The following ELP2 variants were observed in gnomAD, a reference collection of about 807,000 sequenced individuals.
ELP2 encodes the protein elongator acetyltransferase complex subunit 2, also known as elongator complex protein 2.
Under a neutral mutation model 119.2 loss-of-function variants are expected in ELP2, and 90 were observed. That is an observed-to-expected ratio of 0.75 (90% CI 0.64 to 0.90). The LOEUF (loss-of-function observed/expected upper bound fraction) is 0.90. Among genes scored for constraint, ELP2 ranks in the 40% least tolerant of loss-of-function variants. ELP2 has a pLI of 0.00. For synonymous variants in ELP2, 339 were observed against 331.0 expected (o/e 1.02, Z -0.26); for missense variants, 921 against 967.8 (o/e 0.95, Z 0.64).
chr18:36,164,062 T>G (rs1411008418), intron 17 of ELP2, among the ~76,000 whole-genome samples: 1 of 152,188 alleles, frequency 6.6e-6, no homozygotes, highest in Non-Finnish European at 1.5e-5. Context: ...TTCATTCAGG[T>G]CTTTAATTTC....
chr18:36,171,381 A>G (rs748428968), intron 21 of ELP2, among the ~76,000 whole-genome samples: 30 of 152,258 alleles, frequency 2.0e-4, no homozygotes, highest in African/African-American at 7.0e-4. Flanking sequence ...GCTTGCATGC[A>G]TAATATTATT....
chr18:36,167,251 C>T, intron 19 of ELP2, 29 bp downstream of exon 19: 1 of 1,488,534 alleles, frequency 6.7e-7, no homozygotes, highest in Non-Finnish European at 9.1e-7. Flanking sequence ...AATATTTTTT[C>T]AAATGTAAAA....
chr18:36,134,019 C>T (rs963054891), intron 2 of ELP2, among the ~76,000 whole-genome samples: 3 of 147,072 alleles, frequency 2.0e-5, no homozygotes, highest in Non-Finnish European at 4.4e-5. Context: ...ACACCATTCT[C>T]CTGCCTTGCT....
At chr18:36,134,472 T>C (rs895153169) in intron 2 of ELP2, among the ~76,000 whole-genome samples, 5 of 152,244 alleles carry the variant, frequency 3.3e-5, no homozygotes, top group African/African-American at 7.2e-5. Flanking sequence ...GTTTTTGTTT[T>C]GGAAACCATT....
At chr18:36,150,787 C>T (rs2090371390) in intron 11 of ELP2, among the ~76,000 whole-genome samples, 1 of 152,180 alleles carries the variant, frequency 6.6e-6, no homozygotes, top group African/African-American at 2.4e-5. Context: ...AAACATTCCC[C>T]AATCAGACAC....
rs28463962 is a variant in ELP2, at chr18:36,148,612, A to G, written c.1125+2231A>G. ...GATGGCTCATGCTGGTAATCCCAGC[A>G]CTTTGGGAGGCCAAGGCGGGAGGAT... On this transcript the variant is annotated intron_variant, in intron 11 of 21. Transcript: ENST00000358232. Among the ~76,000 whole-genome samples, 961 of 152,260 alleles carry G rather than the reference A, an allele frequency of 6.3e-3. 13 individuals are homozygous for G. The highest frequency in any genetic ancestry group is 0.022 in the African/African-American group (923 of 41,556).
At chr18:36,157,477 AGTG>A (rs1017127011) in intron 13 of ELP2, among the ~76,000 whole-genome samples, 2 of 152,096 alleles carry the variant, frequency 1.3e-5, no homozygotes, top group African/African-American at 2.4e-5. Context: ...ACTGGATAGA[AGTG>A]GGGAGAATGG....
chr18:36,140,416 G>A (rs973135242), intron 5 of ELP2, among the ~76,000 whole-genome samples: 9 of 152,042 alleles, frequency 5.9e-5, no homozygotes, highest in Admixed American at 5.2e-4. Context: ...GTGCAATCTC[G>A]GCTCACTGCA....
rs867185784 is a variant in ELP2, at chr18:36,144,855, A to G, written c.797-84A>G. 11 of 1,145,594 alleles carry G rather than the reference A, an allele frequency of 9.6e-6. No individual in the cohort carries two copies. The Middle Eastern group carries it at 8.2e-4, about 86-fold the overall frequency. 71.0% of individuals were successfully genotyped at this position (1,145,594 alleles called of 1,614,324 possible). Reference sequence around the variant, plus strand: ...TTTTGTCCTAATTTTTTTTTCTTACATAATTGCCCAACTGTCTTGGTTATG... The same window carrying G: ...TTTTGTCCTAATTTTTTTTTCTTACGTAATTGCCCAACTGTCTTGGTTATG... On this transcript the variant is annotated intron_variant, in intron 8 of 21. Transcript: ENST00000358232.
intron 5 of ELP2, among the ~76,000 whole-genome samples, chr18:36,140,427 A>G (rs1391873971): frequency 2.0e-5 from 3 of 152,072 alleles, no homozygotes; most frequent in Admixed American, 6.5e-5. Flanking sequence ...GCTCACTGCA[A>G]TCTCTGCCTC....
At chr18:36,145,182 C>T (rs933935269) in intron 9 of ELP2, 148 bp downstream of exon 9, 57 of 684,642 alleles carry the variant, frequency 8.3e-5, no homozygotes, top group Middle Eastern at 3.0e-4. Flanking sequence ...ATACTGCATT[C>T]CTGGTCTGCT....
chr18:36,170,269 A>C, intron 20 of ELP2, 73 bp downstream of exon 20: 1 of 1,564,154 alleles, frequency 6.4e-7, no homozygotes, highest in South Asian at 1.1e-5. Flanking sequence ...ATGTCATTTC[A>C]TTTGTGAATT....
At chr18:36,135,378 A>G (rs2089788900) in intron 2 of ELP2, among the ~76,000 whole-genome samples, 1 of 152,182 alleles carries the variant, frequency 6.6e-6, no homozygotes, top group African/African-American at 2.4e-5. Context: ...ATGTATAGAC[A>G]TTCTTAAAAT....
chr18:36,148,081 C>G (rs1056956404), intron 11 of ELP2, among the ~76,000 whole-genome samples: 1 of 147,568 alleles, frequency 6.8e-6, no homozygotes, highest in African/African-American at 2.5e-5. Context: ...GTGGAACCCT[C>G]TCATGGTCAG....
Position 36,141,144 on chromosome 18 carries a change from A to G in ELP2, c.531A>G (p.Ile177Met), listed in dbSNP as rs1460116960. ...LSFLPNTDVP[I>M]LACGNDDCRI... ...TGTTTTTTCTTCCCCCAGTACCAAT[A>G]TTAGCATGTGGCAATGATGATTGCA... Residue 177 changes from isoleucine (I) to methionine (M), a missense_variant, in exon 6 of 22, where the codon ATA (isoleucine) becomes ATG (methionine). Ile to Met is a conservative substitution (Grantham distance 10, BLOSUM62 1). Coordinates refer to ENST00000358232, the MANE Select transcript of ELP2 (RefSeq NM_018255.4). 1.9e-6 allele frequency: 3 copies of G among 1,613,756 alleles called. No individual in the cohort carries two copies. The highest frequency in any genetic ancestry group is 2.5e-6 in the Non-Finnish European group (3 of 1,179,706).
Position 36,130,088 on chromosome 18 carries a change from G to T in ELP2, c.138+17G>T. Reference sequence around the variant, plus strand: ...GACCCCCTGGTAAGAGAGGTCGCTGGACGGCCGACCCTTGTGCTTTTCGGG... The same window carrying T: ...GACCCCCTGGTAAGAGAGGTCGCTGTACGGCCGACCCTTGTGCTTTTCGGG... On this transcript the variant is annotated intron_variant, in intron 1 of 21. Coordinates refer to ENST00000358232, the MANE Select transcript of ELP2 (RefSeq NM_018255.4). 6.2e-7 allele frequency: 1 copy of T among 1,614,012 alleles called. No individual in the cohort carries two copies. The highest frequency in any genetic ancestry group is 8.5e-7 in the Non-Finnish European group (1 of 1,180,012).
intron 11 of ELP2, among the ~76,000 whole-genome samples, chr18:36,148,092 G>GT (rs201797653): frequency 0.015 from 1,689 of 113,826 alleles, 68 homozygotes; most frequent in African/African-American, 0.04. Flanking sequence ...TCATGGTCAG[G>GT]TTTTTGTTTT....
At chr18:36,166,689 A>C (rs2090919343) in intron 18 of ELP2, among the ~76,000 whole-genome samples, 1 of 152,198 alleles carries the variant, frequency 6.6e-6, no homozygotes, top group African/African-American at 2.4e-5. Context: ...CCTTACACTT[A>C]AATCTTAAAA....
intron 19 of ELP2, among the ~76,000 whole-genome samples, chr18:36,168,282 T>C (rs917914492): frequency 2.0e-5 from 3 of 152,274 alleles, no homozygotes; most frequent in African/African-American, 7.2e-5. Context: ...CTGTTCTTTC[T>C]TTCTTGGCAT....
Sources: allele counts gnomAD v4.1 joint callset (sites outside exome capture counted in the v4.1 genomes callset), GRCh38; gene constraint gnomAD v4.1.1; transcripts MANE v1.5; gene names NCBI Gene and HGNC (gene_info 2026-07-23, HGNC 2026-07-21).